The following PRH1 variants were observed in gnomAD, a reference collection of about 807,000 sequenced individuals.
PRH1 encodes salivary acidic proline-rich phosphoprotein 1/2.
Under a neutral mutation model 7.9 loss-of-function variants are expected in PRH1, and 7 were observed. The observed-to-expected ratio is 0.89, with a 90% CI of 0.50 to 1.67. The LOEUF (loss-of-function observed/expected upper bound fraction) is 1.67, where lower values mean the gene tolerates loss of function less well. PRH1 is among the 40% of genes most tolerant of loss of function. PRH1 has a pLI of 0.00. For missense variants in PRH1, 109 were observed against 223.6 expected (o/e 0.49, Z 3.27); for synonymous variants, 45 against 80.8 (o/e 0.56, Z 2.38).
intron 1 of PRH1, among the ~76,000 whole-genome samples, chr12:10,979,246 C>A (rs1437310193): frequency 6.6e-6 from 1 of 152,000 alleles, no homozygotes; most frequent in East Asian, 1.9e-4. Flanking sequence ...TACCTCTGAA[C>A]CTAAAATAAA....
intron 2 of PRH1, among the ~76,000 whole-genome samples, chr12:10,906,999 C>T (rs1949814306): frequency 6.6e-6 from 1 of 152,208 alleles, no homozygotes; most frequent in South Asian, 2.1e-4. Flanking sequence ...TCATCAGCCT[C>T]ACTAGCCATT....
chr12:11,061,349 T>C (rs1943591694), intron 1 of PRH1: 1 of 1,605,042 alleles, frequency 6.2e-7, no homozygotes, highest in Non-Finnish European at 8.5e-7. Context: ...AGATACACAA[T>C]GCTGCTCTTG....
At chr12:11,083,702 C>T (rs1944573338) in intron 1 of PRH1, among the ~76,000 whole-genome samples, 1 of 152,302 alleles carries the variant, frequency 6.6e-6, no homozygotes, top group Non-Finnish European at 1.5e-5. Flanking sequence ...TTTCCTCCAT[C>T]CCTACCATCC....
chr12:11,016,901 T>C (rs953516071), intron 1 of PRH1, among the ~76,000 whole-genome samples: 4 of 152,196 alleles, frequency 2.6e-5, no homozygotes, highest in Non-Finnish European at 5.9e-5. Context: ...AGGAATGGAA[T>C]TGATCACTAC....
chr12:10,937,391 T>C (rs1289433418), intron 2 of PRH1: 1 of 152,106 alleles, frequency 6.6e-6, no homozygotes, highest in African/African-American at 2.4e-5. Context: ...ATCATCTTAA[T>C]AAACAGCAAA....
At chr12:10,994,115 G>A (rs983214951) in intron 1 of PRH1, among the ~76,000 whole-genome samples, 8 of 152,148 alleles carry the variant, frequency 5.3e-5, no homozygotes, top group African/African-American at 1.9e-4. Context: ...GGACTGCATG[G>A]GACACAAACA....
chr12:10,903,517 G>T (rs756447710), intron 2 of PRH1, among the ~76,000 whole-genome samples: 1 of 151,800 alleles, frequency 6.6e-6, no homozygotes, highest in African/African-American at 2.4e-5. Flanking sequence ...AGGCATTGAA[G>T]GAACATACCT....
chr12:11,047,442 A>T (rs1188433168), upstream of PRH1, among the ~76,000 whole-genome samples: 1 of 152,144 alleles, frequency 6.6e-6, no homozygotes, highest in Non-Finnish European at 1.5e-5. Context: ...AGACAAAGGG[A>T]AAATTGGAAA....
At chr12:11,055,660 C>T (rs1023519815) in intron 1 of PRH1, among the ~76,000 whole-genome samples, 5 of 152,126 alleles carry the variant, frequency 3.3e-5, no homozygotes, top group Middle Eastern at 3.2e-3. Context: ...TTCTCATTTG[C>T]CAGCATGCAA....
At chr12:10,996,865 A>G (rs1940271637) in intron 1 of PRH1, 2 of 1,404,586 alleles carry the variant, frequency 1.4e-6, no homozygotes, top group Admixed American at 4.8e-5. Context: ...GACTACGGAA[A>G]AACTTGTGGG....
rs775346254 is a variant in PRH1, at chr12:10,908,437, A to G, written c.-58-24162T>C. 10 of 1,613,718 alleles carry G rather than the reference A, an allele frequency of 6.2e-6. No homozygotes were observed. The African/African-American group carries it at 9.3e-5, about 15-fold the overall frequency. On this transcript the variant is annotated intron_variant, in intron 2 of 3. Transcript: ENST00000539853. ...GCCACCAAAAGAAAGGCCTGTCTTAACTTAGCGTTTCCTAGAATCAGAAGA... is the reference window on the plus strand; with the variant it reads ...GCCACCAAAAGAAAGGCCTGTCTTAGCTTAGCGTTTCCTAGAATCAGAAGA...
intron 1 of PRH1, among the ~76,000 whole-genome samples, chr12:11,135,084 G>A (rs1281903131): frequency 6.6e-6 from 1 of 151,864 alleles, no homozygotes; most frequent in Non-Finnish European, 1.5e-5. Context: ...CTAATTCTTA[G>A]GCCTTTGGTA....
chr12:10,954,546 C>T (rs1445102205), intron 2 of PRH1, among the ~76,000 whole-genome samples: 1 of 152,250 alleles, frequency 6.6e-6, no homozygotes, highest in African/African-American at 2.4e-5. Context: ...CAGCCTACCA[C>T]AACCTCTACC....
intron 1 of PRH1, among the ~76,000 whole-genome samples, chr12:11,122,259 C>G (rs912109798): frequency 1.3e-5 from 2 of 152,252 alleles, no homozygotes; most frequent in Non-Finnish European, 2.9e-5. Context: ...GAATGAGAAA[C>G]TAATGGAGTC....
At chr12:10,996,277 C>T (rs1159584055) in intron 1 of PRH1, among the ~76,000 whole-genome samples, 1 of 150,978 alleles carries the variant, frequency 6.6e-6, no homozygotes, top group Non-Finnish European at 1.5e-5. Flanking sequence ...TGTGGTGAGC[C>T]AAGATTGTGC....
intron 2 of PRH1, among the ~76,000 whole-genome samples, chr12:10,959,085 T>G (rs1226512966): frequency 6.6e-6 from 1 of 152,186 alleles, no homozygotes; most frequent in Non-Finnish European, 1.5e-5. Flanking sequence ...GATTGGATTC[T>G]GTAGGTTTTT....
chr12:10,933,783 T>C (rs1423174787), intron 2 of PRH1, among the ~76,000 whole-genome samples: 1 of 152,056 alleles, frequency 6.6e-6, no homozygotes, highest in Non-Finnish European at 1.5e-5. Flanking sequence ...AATTATCTAA[T>C]AAAAAGGCAC....
intron 1 of PRH1, among the ~76,000 whole-genome samples, chr12:11,066,061 T>C (rs1473838708): frequency 2.0e-5 from 3 of 152,204 alleles, no homozygotes; most frequent in South Asian, 2.1e-4. Context: ...GACTTCTTCA[T>C]TTATAACAAT....
intron 1 of PRH1, chr12:10,986,012 G>C: frequency 6.2e-7 from 1 of 1,613,818 alleles, no homozygotes; most frequent in Admixed American, 1.7e-5. Flanking sequence ...TTAGCTTCTT[G>C]GTTCTCCAAA....
Sources: allele counts gnomAD v4.1 joint callset (sites outside exome capture counted in the v4.1 genomes callset), GRCh38; gene constraint gnomAD v4.1.1; transcripts MANE v1.5; gene names NCBI Gene and HGNC (gene_info 2026-07-23, HGNC 2026-07-21).